Variants in CCDC32 observed in about 807,000 individuals in gnomAD.
The protein encoded by CCDC32 is coiled-coil domain containing 32, also known as coiled-coil domain-containing protein 32.
CCDC32 carries 9 observed loss-of-function variants against 20.1 expected under a neutral mutation model. The ratio of observed to expected loss-of-function variants is 0.45; its 90% CI spans 0.27 to 0.78. CCDC32 has a LOEUF of 0.78. Ranked by LOEUF, CCDC32 falls within the 30% of genes least tolerant of loss-of-function variation. The pLI is 0.16. For missense variants in CCDC32, 204 were observed against 215.5 expected, an observed-to-expected ratio of 0.95 and a Z score of 0.33; for synonymous variants, 63 against 79.0, an observed-to-expected ratio of 0.80 and a Z score of 1.07.
intron 3 of CCDC32, among the ~76,000 whole-genome samples, chr15:40,542,607 G>C (rs958483515): frequency 2.0e-5 from 3 of 152,230 alleles, no homozygotes; most frequent in Non-Finnish European, 4.4e-5. Context: ...AGTGGCTCAT[G>C]CCTGTAATCC....
At chr15:40,547,238 G>A (rs952703186) in intron 3 of CCDC32, among the ~76,000 whole-genome samples, 3 of 152,054 alleles carry the variant, frequency 2.0e-5, no homozygotes, top group African/African-American at 7.2e-5. Context: ...GTGGGGACTG[G>A]GGTGTCAGGG....
chr15:40,555,428 C>T (rs1890169974), intron 3 of CCDC32, among the ~76,000 whole-genome samples: 1 of 152,114 alleles, frequency 6.6e-6, no homozygotes, highest in South Asian at 2.1e-4. Flanking sequence ...GTCTTTTCTT[C>T]TCAGAGCTGG....
intron 3 of CCDC32, among the ~76,000 whole-genome samples, chr15:40,539,678 C>A (rs1175686535): frequency 6.6e-6 from 1 of 152,174 alleles, no homozygotes; most frequent in South Asian, 2.1e-4. Context: ...GCTCCCATCC[C>A]AGGAAATTTC....
intron 3 of CCDC32, among the ~76,000 whole-genome samples, chr15:40,543,699 C>T (rs753883920): frequency 7.9e-5 from 12 of 152,156 alleles, no homozygotes; most frequent in Non-Finnish European, 1.5e-4. Context: ...GTGATCCACC[C>T]ACCTCAGCCT....
chr15:40,554,784 C>T (rs144325180), intron 3 of CCDC32, among the ~76,000 whole-genome samples: 110 of 152,292 alleles, frequency 7.2e-4, no homozygotes, highest in Middle Eastern at 6.8e-3. Flanking sequence ...GTCCCCTACC[C>T]GCCTTCCTTA....
downstream of CCDC32, chr15:40,552,771 C>CAAAAAAAAAAAAAA (rs10675441): frequency 1.0e-4 from 7 of 68,778 alleles, 2 homozygotes; most frequent in African/African-American, 2.0e-4. Context: ...AGTGCGACCT[C>CAAAAAAAAAAAAAA]AAAAAAAAAA....
downstream of CCDC32, among the ~76,000 whole-genome samples, chr15:40,550,515 C>T (rs1157116866): frequency 6.6e-6 from 1 of 152,218 alleles, no homozygotes; most frequent in Admixed American, 6.5e-5. Context: ...AGCCACAAGA[C>T]AGATAAAAGA....
chr15:40,525,151 C>T (rs1894885419), downstream of CCDC32, among the ~76,000 whole-genome samples: 1 of 152,016 alleles, frequency 6.6e-6, no homozygotes, highest in South Asian at 2.1e-4. Flanking sequence ...CCTCAGCCTC[C>T]AGAGTAGCTC....
At chr15:40,522,091 G>A in the CCDC32 span, among the ~76,000 whole-genome samples, 1 of 151,848 alleles carries the variant, frequency 6.6e-6, no homozygotes, top group Non-Finnish European at 1.5e-5. Context: ...CCAAAGTAAT[G>A]CAGATTATTT....
chr15:40,528,804 G>C (rs756396376), intron 3 of CCDC32: 1 of 698,260 alleles, frequency 1.4e-6, no homozygotes, highest in South Asian at 1.5e-5. Context: ...TTAAAAAAAA[G>C]AGAAGAAAAG....
intron 3 of CCDC32, among the ~76,000 whole-genome samples, chr15:40,546,404 G>A (rs1889620509): frequency 6.6e-6 from 1 of 151,870 alleles, no homozygotes; most frequent in African/African-American, 2.4e-5. Context: ...GCCCAGGCTG[G>A]TCTCAAACTC....
At chr15:40,536,587 A>G (rs765825315), downstream of CCDC32, 4 of 152,346 alleles carry the variant, frequency 2.6e-5, no homozygotes, top group Non-Finnish European at 5.9e-5. Context: ...CAGGCCCTGC[A>G]GCAGGAGGGG....
In CCDC32 at chr15:40,554,792, T is replaced by C. The variant is rs576947784; in HGVS notation, c.402-665A>G. 3.3e-5 allele frequency among the ~76,000 whole-genome samples: 5 copies of C among 152,308 alleles called. No individual in the cohort carries two copies. The East Asian group carries it at 9.6e-4, about 29-fold the overall frequency. ...GCTCAAGGTCCCCTACCCGCCTTCC[T>C]TACAGGACCCTATACCCTAAAGCTA... On this transcript the variant is annotated intron_variant, in intron 3 of 3. Coordinates refer to ENST00000416810, the MANE Select transcript of CCDC32 (RefSeq NM_001080792.4).
downstream of CCDC32, chr15:40,535,022 G>A: frequency 1.4e-6 from 1 of 707,874 alleles, no homozygotes; most frequent in Non-Finnish European, 2.6e-6. Context: ...TGCCGTGATG[G>A]AAGGAAATCA....
downstream of CCDC32, chr15:40,535,540 C>T (rs1889072495): frequency 2.0e-6 from 2 of 985,796 alleles, no homozygotes; most frequent in African/African-American, 3.5e-5. Flanking sequence ...CGCCCCTTCT[C>T]TCCTCCTCCA....
chr15:40,537,984 A>G (rs144464571), downstream of CCDC32: 10 of 152,320 alleles, frequency 6.6e-5, no homozygotes, highest in African/African-American at 2.2e-4. Context: ...AATGCTGACC[A>G]CTTTTAAATA....
At chr15:40,531,873 GT>G (rs1166982030), downstream of CCDC32, 3 of 152,708 alleles carry the variant, frequency 2.0e-5, no homozygotes, top group South Asian at 2.1e-4. Context: ...AAGATTTTGT[GT>G]TTTTTTTTTA....
downstream of CCDC32, among the ~76,000 whole-genome samples, chr15:40,527,895 C>T (rs1236245146): frequency 1.3e-5 from 2 of 152,146 alleles, no homozygotes; most frequent in East Asian, 1.9e-4. Flanking sequence ...TTTAGATATT[C>T]TGTTATAAGC....
chr15:40,546,995 G>A (rs545122745), intron 3 of CCDC32, among the ~76,000 whole-genome samples: 13 of 152,198 alleles, frequency 8.5e-5, no homozygotes, highest in Admixed American at 5.2e-4. Flanking sequence ...GAGCCATAGC[G>A]CCTGACCTAT....
Sources: allele counts gnomAD v4.1 joint callset (sites outside exome capture counted in the v4.1 genomes callset), GRCh38; gene constraint gnomAD v4.1.1; transcripts MANE v1.5; gene names NCBI Gene and HGNC (gene_info 2026-07-23, HGNC 2026-07-21).